The following BTBD9 variants were observed in gnomAD, a reference collection of about 807,000 sequenced individuals.
BTBD9 encodes the protein BTB domain containing 9.
In BTBD9, 49 loss-of-function variants were observed where a neutral mutation model predicts 64.3. That is an observed-to-expected ratio of 0.76 (90% confidence interval 0.61 to 0.97). The LOEUF is 0.97. Ranked by LOEUF, BTBD9 falls within the 50% of genes least tolerant of loss-of-function variation. BTBD9 has a pLI of 0.00. For synonymous variants in BTBD9, 260 were observed against 274.7 expected (o/e 0.95, Z 0.53); for missense variants, 598 against 762.1 (o/e 0.78, Z 2.53).
At chr6:38,410,973 T>C (rs943776853) in intron 6 of BTBD9, among the ~76,000 whole-genome samples, 3 of 152,162 alleles carry the variant, frequency 2.0e-5, no homozygotes, top group Non-Finnish European at 2.9e-5. Context: ...TCTTGTGACC[T>C]CCTGTCCCAC....
chr6:38,273,899 T>C (rs576570099), intron 8 of BTBD9, among the ~76,000 whole-genome samples: 4 of 152,232 alleles, frequency 2.6e-5, no homozygotes, highest in Non-Finnish European at 5.9e-5. Flanking sequence ...TAGGTTGTAG[T>C]GGTCCTGGCT....
At chr6:38,581,548 TC>T (rs1489801850) in intron 4 of BTBD9, among the ~76,000 whole-genome samples, 1 of 152,174 alleles carries the variant, frequency 6.6e-6, no homozygotes, top group African/African-American at 2.4e-5. Context: ...GACTCTGAAG[TC>T]CTCCGTGTAA....
At chr6:38,206,397 T>C (rs1328635019) in intron 9 of BTBD9, among the ~76,000 whole-genome samples, 1 of 151,664 alleles carries the variant, frequency 6.6e-6, no homozygotes. Flanking sequence ...CCTGCCACCA[T>C]GCCCAGCTAA....
chr6:38,339,403 C>T (rs1027814459), intron 7 of BTBD9, among the ~76,000 whole-genome samples: 1 of 152,014 alleles, frequency 6.6e-6, no homozygotes, highest in African/African-American at 2.4e-5. Context: ...CTGTTTGCTA[C>T]TCAAGAGGAT....
chr6:38,479,244 C>T (rs1771023221), intron 6 of BTBD9, among the ~76,000 whole-genome samples: 1 of 152,116 alleles, frequency 6.6e-6, no homozygotes, highest in Admixed American at 6.5e-5. Context: ...ACACACAACC[C>T]CTCCAGCTCC....
At chr6:38,494,867 C>CT (rs1218970618) in intron 6 of BTBD9, among the ~76,000 whole-genome samples, 1 of 152,204 alleles carries the variant, frequency 6.6e-6, no homozygotes, top group African/African-American at 2.4e-5. Flanking sequence ...CATAATTCCA[C>CT]TTTTAATAAC....
chr6:38,227,938 A>T (rs1006480482), intron 9 of BTBD9, among the ~76,000 whole-genome samples: 25 of 152,214 alleles, frequency 1.6e-4, no homozygotes, highest in Non-Finnish European at 3.1e-4. Flanking sequence ...TAAAAAGATC[A>T]GTGGTTGCCA....
intron 6 of BTBD9, among the ~76,000 whole-genome samples, chr6:38,402,627 T>C (rs551601628): frequency 6.6e-6 from 1 of 152,282 alleles, no homozygotes; most frequent in East Asian, 1.9e-4. Flanking sequence ...AAAGAATGAA[T>C]TTAGACTCTT....
chr6:38,384,062 C>T (rs898870909), intron 6 of BTBD9, among the ~76,000 whole-genome samples: 1 of 152,026 alleles, frequency 6.6e-6, no homozygotes, highest in Non-Finnish European at 1.5e-5. Context: ...AAACCTTAAG[C>T]CTCACTTTAA....
intron 6 of BTBD9, among the ~76,000 whole-genome samples, chr6:38,432,035 A>C (rs1768466062): frequency 6.6e-6 from 1 of 151,924 alleles, no homozygotes; most frequent in African/African-American, 2.4e-5. Flanking sequence ...TTGCTCTTTC[A>C]GATGAATTCT....
At chr6:38,349,833 G>A (rs2127592150) in intron 6 of BTBD9, among the ~76,000 whole-genome samples, 1 of 152,194 alleles carries the variant, frequency 6.6e-6, no homozygotes, top group African/African-American at 2.4e-5. Flanking sequence ...ACAGTATGGG[G>A]TCTATGGGCC....
intron 7 of BTBD9, among the ~76,000 whole-genome samples, chr6:38,302,523 A>ATATATATATATATATATC (rs1762452058): frequency 7.5e-6 from 1 of 132,928 alleles, no homozygotes; most frequent in Non-Finnish European, 1.6e-5. Flanking sequence ...ATATATATAT[A>ATATATATATATATATATC]TCACATTCTC....
chr6:38,315,810 AAT>A (rs1763008401), intron 7 of BTBD9, among the ~76,000 whole-genome samples: 1 of 152,194 alleles, frequency 6.6e-6, no homozygotes, highest in African/African-American at 2.4e-5. Flanking sequence ...ATGTTCTGTA[AAT>A]ATCTATTAGG....
In BTBD9 at chr6:38,172,884, G is replaced by C. The variant is rs1285769693; in HGVS notation, c.*2101C>G. The C allele has an allele frequency of 6.6e-6, 1 of 152,294 alleles. No individual in the cohort carries two copies. The highest frequency in any genetic ancestry group is 2.4e-5 in the African/African-American group (1 of 41,460). 9.4% of individuals were successfully genotyped at this position (152,294 alleles called of 1,614,324 possible). A position where few individuals can be genotyped will look rare whatever the true frequency, so the allele number is the denominator to read the frequency against. On this transcript the variant is annotated 3_prime_UTR_variant, in exon 11 of 11. Transcript: ENST00000481247. ...CTGCCAAGCTGCTATCTCGTTCCCG[G>C]AGCACAGGAGGGCTCTGCGTGCTCT...
chr6:38,345,477 T>C (rs1764243544), intron 6 of BTBD9, among the ~76,000 whole-genome samples: 1 of 152,246 alleles, frequency 6.6e-6, no homozygotes, highest in Non-Finnish European at 1.5e-5. Context: ...CTGGAGCACA[T>C]GTGCACAAGC....
At chr6:38,251,281 T>TA (rs1764393305) in intron 9 of BTBD9, among the ~76,000 whole-genome samples, 1 of 150,600 alleles carries the variant, frequency 6.6e-6, no homozygotes, top group Non-Finnish European at 1.5e-5. Context: ...TTTTTTTTTT[T>TA]AAAGATGGGC....
chr6:38,624,086 G>GT (rs1213135631), intron 1 of BTBD9, among the ~76,000 whole-genome samples: 2 of 152,200 alleles, frequency 1.3e-5, no homozygotes, highest in East Asian at 3.9e-4. Flanking sequence ...ACTTGGGGAA[G>GT]TTTCCTGTCT....
At chr6:38,255,163 G>T (rs543709095) in intron 9 of BTBD9, among the ~76,000 whole-genome samples, 5 of 152,302 alleles carry the variant, frequency 3.3e-5, no homozygotes, top group African/African-American at 1.2e-4. Flanking sequence ...GGAACAAAAG[G>T]TCACATACTA....
intron 6 of BTBD9, among the ~76,000 whole-genome samples, chr6:38,501,442 G>A (rs16890751): frequency 0.048 from 7,347 of 152,294 alleles, 213 homozygotes; most frequent in East Asian, 0.091. Flanking sequence ...TATCTTCAGT[G>A]CTTTCCACTT....
Sources: gnomAD v4.1 joint callset for allele counts (sites outside exome capture counted in the v4.1 genomes callset) on GRCh38, gnomAD v4.1.1 for gene constraint, MANE v1.5 for transcripts, NCBI Gene and HGNC (gene_info 2026-07-23, HGNC 2026-07-21) for gene names.